Variants in ZNF469 observed in about 807,000 individuals in gnomAD.
The protein encoded by ZNF469 is zinc finger protein 469.
In ZNF469, 1 loss-of-function variant was observed where a neutral mutation model predicts 1.0. The ratio of observed to expected loss-of-function variants is 1.00; its 90% confidence interval spans 0.35 to 4.73. ZNF469 has a LOEUF of 4.73. ZNF469 is among the 30% of genes most tolerant of loss of function. The probability of loss-of-function intolerance (pLI) is 0.16; values close to 1 mark genes in which losing one functional copy is unlikely to be tolerated. For missense variants in ZNF469, 6,100 were observed against 5,356.3 expected (o/e 1.14, Z -4.33); for synonymous variants, 2,703 against 2,363.4 (o/e 1.14, Z -4.17).
At chr16:88,207,940 C>T in the ZNF469 span, among the ~76,000 whole-genome samples, 19 of 152,204 alleles carry the variant, frequency 1.2e-4, no homozygotes, top group African/African-American at 1.9e-4. Flanking sequence ...GTGTCTTTGG[C>T]GGCCATGATT....
the ZNF469 span, among the ~76,000 whole-genome samples, chr16:88,131,118 G>A: frequency 2.8e-4 from 43 of 152,322 alleles, no homozygotes; most frequent in African/African-American, 9.9e-4. Context: ...TCGTCTCCTG[G>A]AAATCAATTG....
intron 1 of ZNF469, among the ~76,000 whole-genome samples, chr16:88,396,058 C>T (rs1904649265): frequency 1.3e-5 from 2 of 152,246 alleles, no homozygotes; most frequent in Non-Finnish European, 1.5e-5. Context: ...GTCGTGTATC[C>T]ACTCCACGTC....
In ZNF469 at chr16:88,439,116, G is replaced by T. The variant is rs534962147; in HGVS notation, c.11646G>T (p.Pro3882=). Residue 3882 remains proline (P), a synonymous_variant, in exon 3 of 3, where the codon CCG becomes CCT. Transcript: ENST00000565624. ...CATCAGAGCAGCGGAAGGCAGAGCC[G>T]GGCCACACACAGAGGAAGGACAGAC... The part of the protein sequence containing the change: ...PPPSEQRKAE[P]GHTQRKDRLG... 6.4e-7 allele frequency: 1 copy of T among 1,550,936 alleles called. No individual in the cohort carries two copies. The highest frequency in any genetic ancestry group is 2.4e-5 in the East Asian group (1 of 40,922).
chr16:88,129,433 CG>C, the ZNF469 span, among the ~76,000 whole-genome samples: 1 of 96,714 alleles, frequency 1.0e-5, no homozygotes, highest in African/African-American at 2.6e-5. Flanking sequence ...TTGCACATAC[CG>C]TTTTTTTTGC....
upstream of ZNF469, among the ~76,000 whole-genome samples, chr16:88,380,141 A>G (rs200248662): frequency 1.7e-5 from 1 of 60,568 alleles, no homozygotes; most frequent in Admixed American, 1.5e-4. Context: ...ACAGACACAC[A>G]CTCACACACA....
At chr16:88,415,747 C>G (rs1254191367) in intron 1 of ZNF469, among the ~76,000 whole-genome samples, 1 of 152,252 alleles carries the variant, frequency 6.6e-6, no homozygotes, top group Non-Finnish European at 1.5e-5. Context: ...AGCACTGACA[C>G]TGGAGGCCCA....
At chr16:88,416,198 CA>C (rs1905296768) in intron 1 of ZNF469, among the ~76,000 whole-genome samples, 1 of 152,186 alleles carries the variant, frequency 6.6e-6, no homozygotes, top group Non-Finnish European at 1.5e-5. Flanking sequence ...AGGTGACCCC[CA>C]TGTAGGCCTC....
At chr16:88,370,684 G>A in the ZNF469 span, among the ~76,000 whole-genome samples, 3 of 152,128 alleles carry the variant, frequency 2.0e-5, no homozygotes, top group Non-Finnish European at 4.4e-5. Flanking sequence ...ACCGCAAACT[G>A]GGCAAGTGAA....
In ZNF469 at chr16:88,436,602, G is replaced by C; in HGVS notation, c.9132G>C (p.Thr3044=). ...GNTHLLPLRA[T]DFEVLSTKFE... is the part of the protein sequence containing the mutation. Reference sequence around the variant, plus strand: ...CCCACCTGCTGCCGCTCCGTGCCACGGACTTTGAGGTGCTCAGCACCAAGT... The same window carrying C: ...CCCACCTGCTGCCGCTCCGTGCCACCGACTTTGAGGTGCTCAGCACCAAGT... Residue 3044 remains threonine, a synonymous_variant, in exon 3 of 3, where the codon ACG becomes ACC. Transcript: ENST00000565624. The C allele has an allele frequency of 6.5e-7, 1 of 1,550,290 alleles. No individual in the cohort carries two copies. The highest frequency in any genetic ancestry group is 1.2e-5 in the South Asian group (1 of 84,066).
chr16:88,280,994 C>T, the ZNF469 span, among the ~76,000 whole-genome samples: 1 of 151,864 alleles, frequency 6.6e-6, no homozygotes, highest in Non-Finnish European at 1.5e-5. Context: ...TTGGTCAGTA[C>T]CGTGTCAATT....
At chr16:88,293,409 GTGGA>G in the ZNF469 span, among the ~76,000 whole-genome samples, 5 of 151,914 alleles carry the variant, frequency 3.3e-5, no homozygotes, top group African/African-American at 7.3e-5. Flanking sequence ...AATTGACTGG[GTGGA>G]TGGATGGATG....
At chr16:88,352,384 T>C in the ZNF469 span, among the ~76,000 whole-genome samples, 1 of 152,346 alleles carries the variant, frequency 6.6e-6, no homozygotes, top group South Asian at 2.1e-4. Context: ...AGAATTTCAC[T>C]TATGAAACCA....
the ZNF469 span, among the ~76,000 whole-genome samples, chr16:88,316,192 C>T: frequency 2.6e-5 from 4 of 152,234 alleles, no homozygotes; most frequent in South Asian, 2.1e-4. Context: ...AGTTTTCATA[C>T]GTTTTGAACA....
rs745592403 is a variant in ZNF469, at chr16:88,436,569, C to T, written c.9099C>T (p.Pro3033=). The part of the protein sequence containing the change: ...LERERCDGGL[P]GNTHLLPLRA... ...GAGAACGCTGTGACGGTGGGCTTCC[C>T]GGGAACACCCACCTGCTGCCGCTCC... The change falls in exon 3 of 3, where the codon CCC becomes CCT. Residue 3033 remains proline, a synonymous_variant. Transcript: ENST00000565624. 4.0e-5 allele frequency: 61 copies of T among 1,542,100 alleles called. No homozygotes were observed. The highest frequency in any genetic ancestry group is 2.2e-4 in the South Asian group (18 of 83,036).
In ZNF469 at chr16:88,435,621, G is replaced by A; in HGVS notation, c.8151G>A (p.Gly2717=). 2 of 1,550,394 alleles carry A rather than the reference G, an allele frequency of 1.3e-6. No homozygotes were observed. The highest frequency in any genetic ancestry group is 1.7e-6 in the Non-Finnish European group (2 of 1,146,984). Residue 2717 remains glycine, a synonymous_variant, in exon 3 of 3, where the codon GGG becomes GGA. Transcript: ENST00000565624. ...AETDQEALCA[G]ETGAQKPPGD... Reference sequence around the variant, plus strand: ...CTGACCAGGAGGCTCTGTGTGCAGGGGAGACTGGGGCCCAGAAGCCACCTG... The same window carrying A: ...CTGACCAGGAGGCTCTGTGTGCAGGAGAGACTGGGGCCCAGAAGCCACCTG...
At chr16:88,324,081 T>C in the ZNF469 span, among the ~76,000 whole-genome samples, 8 of 152,192 alleles carry the variant, frequency 5.3e-5, no homozygotes, top group African/African-American at 1.9e-4. Context: ...TGGGGTGAGA[T>C]CCGCCGCAAA....
chr16:88,308,775 A>G, the ZNF469 span, among the ~76,000 whole-genome samples: 4 of 152,118 alleles, frequency 2.6e-5, no homozygotes, highest in African/African-American at 9.7e-5. Flanking sequence ...GTTTTTCCTC[A>G]TCTATTTGGA....
the ZNF469 span, among the ~76,000 whole-genome samples, chr16:88,133,649 T>TGATG: frequency 1.3e-5 from 2 of 151,484 alleles, no homozygotes; most frequent in African/African-American, 4.8e-5. Context: ...AAATTATAAA[T>TGATG]AAAATAATGA....
the ZNF469 span, among the ~76,000 whole-genome samples, chr16:88,326,949 G>A: frequency 6.6e-6 from 1 of 152,112 alleles, no homozygotes; most frequent in Non-Finnish European, 1.5e-5. Context: ...CTGTGTCCCT[G>A]TCTCCCTCCC....
Sources: gnomAD v4.1 joint callset for allele counts (sites outside exome capture counted in the v4.1 genomes callset) on GRCh38, gnomAD v4.1.1 for gene constraint, MANE v1.5 for transcripts, NCBI Gene and HGNC (gene_info 2026-07-23, HGNC 2026-07-21) for gene names.